The following ABI3BP variants were observed in gnomAD, a reference collection of about 807,000 sequenced individuals.
The protein encoded by ABI3BP is target of Nesh-SH3.
Under a neutral mutation model 268.6 loss-of-function variants are expected in ABI3BP, and 216 were observed. The observed-to-expected ratio is 0.80, with a 90% CI of 0.72 to 0.90. ABI3BP has a LOEUF of 0.90. Ranked by LOEUF, ABI3BP falls within the 40% of genes least tolerant of loss-of-function variation. The pLI, the probability that ABI3BP is intolerant of heterozygous loss-of-function variation, is 0.00. For synonymous variants in ABI3BP, 730 were observed against 730.0 expected, an observed-to-expected ratio of 1.00 and a Z score of 0.00; for missense variants, 2,090 against 2,182.4, an observed-to-expected ratio of 0.96 and a Z score of 0.84.
At chr3:100,891,545 C>T (rs2044663200) in intron 4 of ABI3BP, among the ~76,000 whole-genome samples, 1 of 152,160 alleles carries the variant, frequency 6.6e-6, no homozygotes, top group Non-Finnish European at 1.5e-5. Context: ...ATTTAAGCAA[C>T]CCATGCAAAG....
At chr3:100,833,415 C>T (rs1021305869) in intron 29 of ABI3BP, among the ~76,000 whole-genome samples, 6 of 152,084 alleles carry the variant, frequency 3.9e-5, no homozygotes, top group Non-Finnish European at 8.8e-5. Flanking sequence ...GTAGAAAACA[C>T]TGCTTAGAAA....
intron 4 of ABI3BP, among the ~76,000 whole-genome samples, chr3:100,893,150 C>T (rs1349097116): frequency 6.6e-6 from 1 of 152,170 alleles, no homozygotes; most frequent in African/African-American, 2.4e-5. Context: ...CTGGATGCTT[C>T]CTCCCCTCAA....
chr3:100,978,284 C>T (rs2087332440), intron 1 of ABI3BP, among the ~76,000 whole-genome samples: 1 of 152,204 alleles, frequency 6.6e-6, no homozygotes, highest in South Asian at 2.1e-4. Flanking sequence ...GACAAAATGA[C>T]AGAAAACATT....
intron 1 of ABI3BP, among the ~76,000 whole-genome samples, chr3:100,972,950 T>C (rs1042594721): frequency 3.9e-5 from 6 of 152,180 alleles, no homozygotes; most frequent in African/African-American, 1.2e-4. Context: ...CTGGCTGAGG[T>C]TGAACAAGGT....
intron 1 of ABI3BP, among the ~76,000 whole-genome samples, chr3:100,980,285 G>A (rs1158402994): frequency 2.6e-5 from 4 of 152,042 alleles, no homozygotes; most frequent in Non-Finnish European, 5.9e-5. Flanking sequence ...AGGCTGGAGT[G>A]TAGGGCATGA....
intron 63 of ABI3BP, among the ~76,000 whole-genome samples, chr3:100,757,312 A>G (rs1489213009): frequency 1.5e-5 from 2 of 131,010 alleles, no homozygotes; most frequent in South Asian, 5.6e-4. Flanking sequence ...GCCCAGCAAA[A>G]TGAATAAAAG....
chr3:100,883,393 T>C (rs773112254), intron 6 of ABI3BP, among the ~76,000 whole-genome samples: 2 of 152,108 alleles, frequency 1.3e-5, no homozygotes. Flanking sequence ...TATTTCTAGA[T>C]AGTATCATCA....
rs1274190452 is a variant in ABI3BP at position 100,804,878 on chromosome 3, A to G, written c.3683-12T>C. 1.9e-6 allele frequency: 3 copies of G among 1,610,826 alleles called. No individual in the cohort carries two copies. The highest frequency in any genetic ancestry group is 2.5e-6 in the Non-Finnish European group (3 of 1,177,236). On this transcript the variant is annotated splice_polypyrimidine_tract_variant and intron_variant, in intron 50 of 67. Coordinates refer to ENST00000471714, the MANE Select transcript of ABI3BP (RefSeq NM_001375547.2). The stretch of plus-strand genomic sequence containing the variant: ...GGGCACCTTAGGAACTGAAAGAGAG[A>G]ACTCATATTGTAAGTCATTTGGTTT...
chr3:100,792,339 T>C lies in ABI3BP; in HGVS notation c.4024+352A>G, dbSNP rs577138189. Among the ~76,000 whole-genome samples, 3 of 151,456 alleles carry C rather than the reference T, an allele frequency of 2.0e-5. No homozygotes were observed. In the South Asian group the frequency reaches 6.3e-4, roughly 32 times the overall value. ...AGAAGGAGGAGGACCAGGAGGAAGT[T>C]AGAGAGGGAGCAGGAAGAGGAAGAC... is the stretch of plus-strand genomic sequence containing the variant. On this transcript the variant is annotated intron_variant, in intron 55 of 67. Coordinates refer to ENST00000471714, the MANE Select transcript of ABI3BP (RefSeq NM_001375547.2).
intron 33 of ABI3BP, 68 bp from the exon 34 acceptor site, chr3:100,828,520 A>C (rs1175343972): frequency 5.8e-6 from 8 of 1,391,010 alleles, no homozygotes; most frequent in Non-Finnish European, 7.8e-6. Flanking sequence ...CAGAACATTC[A>C]AAAAGAATTT....
intron 64 of ABI3BP, 104 bp from the exon 65 acceptor site, chr3:100,753,952 T>C: frequency 1.7e-6 from 2 of 1,188,064 alleles, no homozygotes; most frequent in Non-Finnish European, 2.4e-6. Flanking sequence ...AGAAGTCTTA[T>C]TTGCAAAATG....
At chr3:100,756,127 C>G (rs917328237) in intron 63 of ABI3BP, among the ~76,000 whole-genome samples, 2 of 152,192 alleles carry the variant, frequency 1.3e-5, no homozygotes, top group Non-Finnish European at 2.9e-5. Flanking sequence ...ATATATAAAG[C>G]AATACAACAC....
chr3:100,950,820 C>T (rs2074642384), intron 1 of ABI3BP, among the ~76,000 whole-genome samples: 1 of 151,846 alleles, frequency 6.6e-6, no homozygotes, highest in Admixed American at 6.6e-5. Flanking sequence ...TGTACTTGAT[C>T]TCTGTGGTGT....
intron 1 of ABI3BP, among the ~76,000 whole-genome samples, chr3:100,964,054 G>C (rs915097752): frequency 2.0e-5 from 3 of 152,144 alleles, no homozygotes; most frequent in Non-Finnish European, 4.4e-5. Context: ...AGATAGTAAG[G>C]GTATGGGAGT....
chr3:100,788,880 G>C (rs2097123746), intron 56 of ABI3BP, among the ~76,000 whole-genome samples: 1 of 152,054 alleles, frequency 6.6e-6, no homozygotes, highest in Non-Finnish European at 1.5e-5. Context: ...CAGCATAAGA[G>C]TGATTTACAT....
chr3:100,946,169 G>C (rs2072137679), intron 1 of ABI3BP, among the ~76,000 whole-genome samples: 1 of 151,818 alleles, frequency 6.6e-6, no homozygotes, highest in Non-Finnish European at 1.5e-5. Flanking sequence ...TCAGGCATTC[G>C]AGACCAGCCT....
intron 4 of ABI3BP, among the ~76,000 whole-genome samples, chr3:100,890,112 G>A (rs2043843665): frequency 6.6e-6 from 1 of 152,100 alleles, no homozygotes; most frequent in Non-Finnish European, 1.5e-5. Context: ...ACCAAACTAA[G>A]CTTAGTCCTT....
rs1244275093 is a variant in ABI3BP, at chr3:100,754,166, A to G, written c.4931-318T>C. 2.6e-5 allele frequency among the ~76,000 whole-genome samples: 4 copies of G among 152,352 alleles called. No individual in the cohort carries two copies. In the South Asian group the frequency reaches 6.2e-4, roughly 24 times the overall value. On this transcript the variant is annotated intron_variant, in intron 64 of 67. Transcript: ENST00000471714. ...TTGATAGAAAAACTTCATGGTAAAA[A>G]TCACCAAGATGCCATGAACTACAGT... is the stretch of plus-strand genomic sequence containing the variant.
At chr3:100,860,571 G>T (rs919529777) in intron 14 of ABI3BP, among the ~76,000 whole-genome samples, 4 of 152,064 alleles carry the variant, frequency 2.6e-5, no homozygotes, top group African/African-American at 9.7e-5. Flanking sequence ...TCGTCTCATT[G>T]TAACTCTGTA....
Sources: allele counts gnomAD v4.1 joint callset (sites outside exome capture counted in the v4.1 genomes callset), GRCh38; gene constraint gnomAD v4.1.1; transcripts MANE v1.5; gene names NCBI Gene and HGNC (gene_info 2026-07-23, HGNC 2026-07-21).